Variants in RNASE12 observed in about 807,000 individuals in gnomAD.
The protein encoded by RNASE12 is probable inactive ribonuclease-like protein 12.
For synonymous variants in RNASE12, 55 were observed against 59.8 expected, an observed-to-expected ratio of 0.92 and a Z score of 0.37; for missense variants, 161 against 177.6, an observed-to-expected ratio of 0.91 and a Z score of 0.53.
upstream of RNASE12, chr14:20,591,337 T>A: frequency 1.0e-6 from 1 of 973,090 alleles, no homozygotes; most frequent in South Asian, 4.8e-5. Flanking sequence ...TGTCTTGCTG[T>A]TCCCTGACAA....
exon 1 of RNASE12, chr14:20,590,711 C>T: frequency 6.2e-7 from 1 of 1,613,652 alleles, no homozygotes. Flanking sequence ...AAAATTATCA[C>T]CATTATTATC....
chr14:20,591,019 C>A, upstream of RNASE12: 1 of 985,300 alleles, frequency 1.0e-6, no homozygotes, highest in Non-Finnish European at 1.2e-6. Flanking sequence ...AGTTCTTTGA[C>A]AGCAGATACC....
At chr14:20,590,622 G>A (rs1232502247) in exon 1 of RNASE12, 1 of 1,614,204 alleles carries the variant, frequency 6.2e-7, no homozygotes, top group South Asian at 1.1e-5. Flanking sequence ...CATTCTGAGG[G>A]TAGTCCACAT....
chr14:20,590,976 A>C (rs558877801), upstream of RNASE12: 1 of 985,376 alleles, frequency 1.0e-6, no homozygotes, highest in South Asian at 4.7e-5. Context: ...GCTGTTCTCT[A>C]AATTATTCCT....
In RNASE12 at chr14:20,590,329, A is replaced by T. The variant is rs887694343; in HGVS notation, c.395T>A (p.Val132Asp). ...ATCTGGCCTCAAGTCATCACAAGTGACAAGAACAAACCCCTCTGTGGGGGA... is the reference window on the plus strand; with the variant it reads ...ATCTGGCCTCAAGTCATCACAAGTGTCAAGAACAAACCCCTCTGTGGGGGA... Residue 132 changes from valine to aspartate, a missense_variant, in exon 1 of 1, where the codon GTC (valine) becomes GAC (aspartate). Coordinates refer to ENST00000556526, the Ensembl canonical transcript of RNASE12. 3.7e-6 allele frequency: 6 copies of T among 1,614,114 alleles called. No homozygotes were observed. The highest frequency in any genetic ancestry group is 1.3e-5 in the African/African-American group (1 of 74,938).
upstream of RNASE12, chr14:20,591,002 T>A (rs17113807): frequency 0.28 from 275,952 of 984,566 alleles, 38,966 homozygotes; most frequent in Middle Eastern, 0.36. Context: ...GTTTGTTTTG[T>A]TCTACAAGTT....
At chr14:20,590,224 A>T in exon 1 of RNASE12, 1 of 1,588,708 alleles carries the variant, frequency 6.3e-7, no homozygotes, top group South Asian at 1.1e-5. Flanking sequence ...CCTCAGGCAC[A>T]GCCAGCTCCA....
chr14:20,591,303 T>C, upstream of RNASE12: 1 of 985,216 alleles, frequency 1.0e-6, no homozygotes, highest in South Asian at 4.7e-5. Context: ...AGCCTTTTGA[T>C]CATGAATTTG....
downstream of RNASE12, chr14:20,590,167 T>C: frequency 6.6e-7 from 1 of 1,504,126 alleles, no homozygotes; most frequent in Non-Finnish European, 8.8e-7. Context: ...TACCAGTGGC[T>C]TCCCCTTCCG....
upstream of RNASE12, chr14:20,590,959 G>T: frequency 7.2e-7 from 1 of 1,392,144 alleles, no homozygotes; most frequent in Non-Finnish European, 9.3e-7. Flanking sequence ...TCAGAGTTTG[G>T]TACTGAGCTG....
At position 20,590,274 on chromosome 14, in the gene RNASE12, C is replaced by T. The variant is rs368800387; in HGVS notation, c.*6G>A. ...AGAGATCTCAGACTCGGGAGCTGAT[C>T]TTGAGTTATTTAACATAGCCAAGGA... On this transcript the variant is annotated 3_prime_UTR_variant, in exon 1 of 1. Transcript: ENST00000556526. The T allele has an allele frequency of 2.4e-5, 38 of 1,612,148 alleles. No homozygotes were observed. The African/African-American group carries it at 3.3e-4, about 14-fold the overall frequency.
chr14:20,590,819 ACC>A (rs1384730715), exon 1 of RNASE12: 1 of 1,532,388 alleles, frequency 6.5e-7, no homozygotes, highest in Non-Finnish European at 8.8e-7. Flanking sequence ...TCCTGCTCCA[ACC>A]CCTGGCTGCT....
rs1395135145 is a variant in RNASE12 at position 20,590,282 on chromosome 14, AT to A, written c.441del (p.Lys147AsnfsTer23). On this transcript the variant is annotated frameshift_variant, in exon 1 of 1. Coordinates refer to ENST00000556526, the Ensembl canonical transcript of RNASE12. LOFTEE classifies it high-confidence loss of function. ...CAGACTCGGGAGCTGATCTTGAGTT[AT>A]TTAACATAGCCAAGGAAACTATCTG... 6.2e-7 allele frequency: 1 copy of A among 1,612,922 alleles called. No homozygotes were observed. The highest frequency in any genetic ancestry group is 1.3e-5 in the African/African-American group (1 of 74,962).
At chr14:20,590,181 A>G, downstream of RNASE12, 4 of 1,522,918 alleles carry the variant, frequency 2.6e-6, no homozygotes, top group Non-Finnish European at 3.5e-6. Context: ...CCTTCCGCTC[A>G]AGGCATTGCC....
downstream of RNASE12, chr14:20,590,074 T>A: frequency 9.9e-7 from 1 of 1,009,448 alleles, no homozygotes; most frequent in Non-Finnish European, 1.4e-6. Context: ...CATGTAGAAT[T>A]TATGGTTTAA....
At chr14:20,590,512 T>C in exon 1 of RNASE12, 1 of 1,614,274 alleles carries the variant, frequency 6.2e-7, no homozygotes, top group Non-Finnish European at 8.5e-7. Flanking sequence ...TCGAGGCCTC[T>C]CATGGATGAA....
At chr14:20,591,008 A>C, upstream of RNASE12, 1 of 985,394 alleles carries the variant, frequency 1.0e-6, no homozygotes, top group Non-Finnish European at 1.2e-6. Context: ...TTTGTTCTAC[A>C]AGTTCTTTGA....
In RNASE12 at chr14:20,590,744, C is replaced by T; in HGVS notation, c.-21G>A. 1 of 1,605,220 alleles carries T rather than the reference C, an allele frequency of 6.2e-7. No homozygotes were observed. The highest frequency in any genetic ancestry group is 1.1e-5 in the South Asian group (1 of 90,164). Reference sequence around the variant, plus strand: ...ATCATCAGAGGTAAGAGTGACTTCGCATCTTTGGCTTTGACTGCTGTTGAG... The same window carrying T: ...ATCATCAGAGGTAAGAGTGACTTCGTATCTTTGGCTTTGACTGCTGTTGAG... On this transcript the variant is annotated 5_prime_UTR_variant, in exon 1 of 1. It removes an upstream start codon present in the reference 5' UTR. Transcript: ENST00000556526.
upstream of RNASE12, chr14:20,591,343 G>A: frequency 1.0e-6 from 1 of 952,754 alleles, no homozygotes; most frequent in Non-Finnish European, 1.2e-6. Context: ...GCTGTTCCCT[G>A]ACAATAACTG....
Sources: allele counts gnomAD v4.1 joint callset, GRCh38; gene constraint gnomAD v4.1.1; transcripts MANE v1.5; gene names NCBI Gene and HGNC (gene_info 2026-07-23, HGNC 2026-07-21).